GFM1: variants seen among roughly 807,000 people sequenced by gnomAD.
The protein encoded by GFM1 is G elongation factor mitochondrial 1.
A neutral mutation model predicts 96.2 loss-of-function variants in GFM1; 62 were observed. The ratio of observed to expected loss-of-function variants is 0.64; its 90% CI spans 0.53 to 0.80. The LOEUF (loss-of-function observed/expected upper bound fraction) is 0.80. GFM1 is among the 30% of genes least tolerant of loss of function. The pLI is 0.00. For missense variants in GFM1, 852 were observed against 916.6 expected (o/e 0.93, Z 0.91); for synonymous variants, 282 against 312.9 (o/e 0.90, Z 1.04).
intron 1 of GFM1, 70 bp downstream of exon 1, chr3:158,644,785 G>T (rs1430013158): frequency 3.8e-6 from 5 of 1,324,442 alleles, no homozygotes; most frequent in African/African-American, 1.5e-5. Flanking sequence ...GGCAATGGAA[G>T]GCCGTGACAC....
At chr3:158,687,554 G>A (rs752215602) in intron 15 of GFM1, among the ~76,000 whole-genome samples, 5 of 151,736 alleles carry the variant, frequency 3.3e-5, no homozygotes, top group South Asian at 2.1e-4. Context: ...TGCAACCTCC[G>A]CCTCCTGGGT....
In GFM1 at chr3:158,682,016, A is replaced by G; in HGVS notation, c.1623A>G (p.Lys541=). The change falls in exon 14 of 18, where the codon AAA becomes AAG. Residue 541 remains lysine, a synonymous_variant. Coordinates refer to ENST00000486715, the MANE Select transcript of GFM1 (RefSeq NM_024996.7). Reference sequence around the variant, plus strand: ...TCAGGTTTGACTTTACACATAAAAAACAATCAGGTGGTGCAGGCCAGTATG... The same window carrying G: ...TCAGGTTTGACTTTACACATAAAAAGCAATCAGGTGGTGCAGGCCAGTATG... ...APVPFDFTHK[K]QSGGAGQYGK... 6.2e-7 allele frequency: 1 copy of G among 1,613,650 alleles called. No individual in the cohort carries two copies. Among genetic ancestry groups the G allele is most frequent in the Non-Finnish European group, 8.5e-7 (1 of 1,179,780 alleles).
chr3:158,672,631 C>G, intron 13 of GFM1: 2 of 863,970 alleles, frequency 2.3e-6, no homozygotes, highest in African/African-American at 1.7e-5. Flanking sequence ...CTCCTTCCGA[C>G]TCCGGAAGCT....
At chr3:158,672,658 C>T in intron 13 of GFM1, 3 of 645,736 alleles carry the variant, frequency 4.6e-6, no homozygotes, top group Non-Finnish European at 7.6e-6. Context: ...TGGGCCCAGG[C>T]TCCCTGCATC....
At chr3:158,688,011 T>C (rs1028928936) in intron 15 of GFM1, among the ~76,000 whole-genome samples, 1 of 152,036 alleles carries the variant, frequency 6.6e-6, no homozygotes, top group Non-Finnish European at 1.5e-5. Context: ...AGTATAAGAA[T>C]AGCTTATAAC....
Position 158,644,725 on chromosome 3 carries a change from C to T in GFM1, c.81+10C>T, listed in dbSNP as rs1454338906. On this transcript the variant is annotated intron_variant, in intron 1 of 17. Coordinates refer to ENST00000486715, the MANE Select transcript of GFM1 (RefSeq NM_024996.7). Reference sequence around the variant, plus strand: ...CTGGCAGAGGAAGCAGGTACCGGAGCATAGAGAGGCTAAATCGGGACCATT... The same window carrying T: ...CTGGCAGAGGAAGCAGGTACCGGAGTATAGAGAGGCTAAATCGGGACCATT... The T allele has an allele frequency of 6.4e-7, 1 of 1,568,658 alleles. No individual in the cohort carries two copies. Among genetic ancestry groups the T allele is most frequent in the Non-Finnish European group, 8.6e-7 (1 of 1,156,456 alleles).
chr3:158,662,377 A>C (rs1723263128), intron 10 of GFM1, among the ~76,000 whole-genome samples: 1 of 152,232 alleles, frequency 6.6e-6, no homozygotes, highest in Non-Finnish European at 1.5e-5. Flanking sequence ...CAGGGCAATA[A>C]ATACATTCAT....
chr3:158,647,525 A>G (rs530200646), intron 4 of GFM1, among the ~76,000 whole-genome samples: 2 of 152,224 alleles, frequency 1.3e-5, no homozygotes, highest in Non-Finnish European at 2.9e-5. Flanking sequence ...CCTTTTGTAG[A>G]TGTGCACGTG....
At position 158,666,356 on chromosome 3, in the gene GFM1, C is replaced by A; in HGVS notation, c.1571C>A (p.Ala524Asp). 6.2e-7 allele frequency: 1 copy of A among 1,613,704 alleles called. No individual in the cohort carries two copies. Among genetic ancestry groups the A allele is most frequent in the Non-Finnish European group, 8.5e-7 (1 of 1,179,772 alleles). ...CPCITGKPKV[A>D]FRETITAPVP... ...TGTATCACAGGAAAGCCAAAAGTTGCCTTTCGAGAGACCATTACTGCCCCT... is the reference window on the plus strand; with the variant it reads ...TGTATCACAGGAAAGCCAAAAGTTGACTTTCGAGAGACCATTACTGCCCCT... The change falls in exon 13 of 18, where the codon GCC becomes GAC. Residue 524 changes from alanine (A) to aspartate (D), a missense_variant. Transcript: ENST00000486715.
chr3:158,688,442 C>T (rs969092720), intron 15 of GFM1, among the ~76,000 whole-genome samples: 2 of 152,170 alleles, frequency 1.3e-5, no homozygotes, highest in Non-Finnish European at 2.9e-5. Flanking sequence ...AGGCTGTCCT[C>T]AGTAATTGAG....
At chr3:158,656,428 C>G (rs1722763663) in intron 8 of GFM1, 1 of 154,380 alleles carries the variant, frequency 6.5e-6, no homozygotes, top group Non-Finnish European at 1.4e-5. Flanking sequence ...GCTGGGATTA[C>G]AGGCATGAGC....
chr3:158,683,178 G>A (rs1725558247), intron 14 of GFM1, among the ~76,000 whole-genome samples: 1 of 152,086 alleles, frequency 6.6e-6, no homozygotes, highest in African/African-American at 2.4e-5. Flanking sequence ...TGTCATTAAT[G>A]TATTCTATTT....
At chr3:158,650,798 A>G (rs1467424272) in intron 5 of GFM1, 1 of 152,184 alleles carries the variant, frequency 6.6e-6, no homozygotes, top group Non-Finnish European at 1.5e-5. Flanking sequence ...CGAGGTGGGC[A>G]GATCACGAGG....
chr3:158,646,395 TCAA>T, intron 3 of GFM1, 98 bp downstream of exon 3: 1 of 1,259,854 alleles, frequency 7.9e-7, no homozygotes, highest in East Asian at 2.3e-5. Flanking sequence ...TGTCAAATAC[TCAA>T]AAGTGTAACA....
chr3:158,694,156 A>G lies in GFM1; in HGVS notation c.*2689A>G, dbSNP rs190673699. The stretch of plus-strand genomic sequence containing the variant: ...CACATTCATTGCAGAACTGTTCATA[A>G]TGGCAAAGATATGGAATCAACCTAA... On this transcript the variant is annotated 3_prime_UTR_variant, in exon 18 of 18. Transcript: ENST00000486715. 6.6e-6 allele frequency among the ~76,000 whole-genome samples: 1 copy of G among 152,210 alleles called. No homozygotes were observed. Among genetic ancestry groups the G allele is most frequent in the East Asian group, 1.9e-4 (1 of 5,202 alleles).
At chr3:158,661,150 A>C (rs184936745) in intron 10 of GFM1, among the ~76,000 whole-genome samples, 175 bp downstream of exon 10, 2 of 152,176 alleles carry the variant, frequency 1.3e-5, no homozygotes, top group African/African-American at 4.8e-5. Context: ...TGTCAATTAG[A>C]CAAGTGCTCT....
At position 158,684,554 on chromosome 3, in the gene GFM1, C is replaced by G. The variant is rs1257926841; in HGVS notation, c.1795C>G (p.Leu599Val). 1.9e-6 allele frequency: 3 copies of G among 1,614,118 alleles called. No homozygotes were observed. Among genetic ancestry groups the G allele is most frequent in the Admixed American group, 3.3e-5 (2 of 59,996 alleles). ...TTTAGATGCCTGCGAGAAGGGCCCT[C>G]TTTCTGGTCACAAGCTCTCTGGGCT... Reference protein sequence around the residue: ...GFLDACEKGPLSGHKLSGLRF... With the variant: ...GFLDACEKGPVSGHKLSGLRF... The change falls in exon 15 of 18, where the codon CTT becomes GTT. Residue 599 changes from leucine (L) to valine (V), a missense_variant. Physicochemically the swap from Leu to Val is conservative, Grantham distance 32. Coordinates refer to ENST00000486715, the MANE Select transcript of GFM1 (RefSeq NM_024996.7).
At chr3:158,681,679 A>G (rs1037067132) in intron 13 of GFM1, among the ~76,000 whole-genome samples, 1 of 152,196 alleles carries the variant, frequency 6.6e-6, no homozygotes, top group Non-Finnish European at 1.5e-5. Context: ...GGAAATGGGC[A>G]AGGTTTTTGG....
At chr3:158,686,329 GA>G (rs1184528153) in intron 15 of GFM1, among the ~76,000 whole-genome samples, 5 of 147,152 alleles carry the variant, frequency 3.4e-5, no homozygotes, top group Non-Finnish European at 6.0e-5. Flanking sequence ...TATACTGTGG[GA>G]AAAAGATACA....
Sources: allele counts gnomAD v4.1 joint callset (sites outside exome capture counted in the v4.1 genomes callset), GRCh38; gene constraint gnomAD v4.1.1; transcripts MANE v1.5; gene names NCBI Gene and HGNC (gene_info 2026-07-23, HGNC 2026-07-21).